TMEM132B: variants seen among roughly 807,000 people sequenced by gnomAD.
The protein encoded by TMEM132B is transmembrane protein 132B.
A neutral mutation model predicts 90.8 loss-of-function variants in TMEM132B; 18 were observed. The observed-to-expected ratio is 0.20, with a 90% CI of 0.14 to 0.29. TMEM132B has a LOEUF of 0.29. TMEM132B is among the 10% of genes least tolerant of loss of function. The pLI is 1.00. For missense variants in TMEM132B, 1,096 were observed against 1,326.8 expected, an observed-to-expected ratio of 0.83 and a Z score of 2.70; for synonymous variants, 504 against 523.3, an observed-to-expected ratio of 0.96 and a Z score of 0.50.
At chr12:125,327,852 A>G (rs73233381) in intron 1 of TMEM132B, among the ~76,000 whole-genome samples, 34,048 of 152,124 alleles carry the variant, frequency 0.22, 3,977 homozygotes, top group East Asian at 0.44. Context: ...GGATATATAA[A>G]GCAGGCGGGC....
chr12:125,225,050 G>A (rs1873646882), intron 1 of TMEM132B, among the ~76,000 whole-genome samples: 1 of 152,226 alleles, frequency 6.6e-6, no homozygotes. Context: ...AGTGGTTCAG[G>A]TGGAATATGG....
At chr12:125,564,475 CT>C in intron 4 of TMEM132B, among the ~76,000 whole-genome samples, 1 of 152,200 alleles carries the variant, frequency 6.6e-6, no homozygotes, top group Admixed American at 6.5e-5. Flanking sequence ...GGGTTGTTTT[CT>C]GTTCGGTTTT....
intron 5 of TMEM132B, among the ~76,000 whole-genome samples, chr12:125,632,819 A>T (rs1237493011): frequency 2.0e-5 from 3 of 151,704 alleles, no homozygotes; most frequent in Non-Finnish European, 4.4e-5. Flanking sequence ...TATTTTTAGG[A>T]TCTATTCTTT....
chr12:125,493,783 T>C (rs1882418719), intron 3 of TMEM132B, among the ~76,000 whole-genome samples: 1 of 151,502 alleles, frequency 6.6e-6, no homozygotes, highest in African/African-American at 2.4e-5. Flanking sequence ...TACCTCCCCC[T>C]CCTCCCTGGG....
At chr12:125,376,927 G>C (rs1291003938) in intron 2 of TMEM132B, among the ~76,000 whole-genome samples, 2 of 152,236 alleles carry the variant, frequency 1.3e-5, no homozygotes, top group Non-Finnish European at 2.9e-5. Context: ...TGGCCTTCCA[G>C]GTCATCCAGA....
chr12:125,390,088 A>G (rs1878965400), intron 2 of TMEM132B, among the ~76,000 whole-genome samples: 1 of 152,198 alleles, frequency 6.6e-6, no homozygotes, highest in South Asian at 2.1e-4. Flanking sequence ...CACAACTAGT[A>G]CCATTTGGAA....
chr12:125,465,817 A>G (rs1881548269), intron 3 of TMEM132B, among the ~76,000 whole-genome samples: 2 of 152,118 alleles, frequency 1.3e-5, no homozygotes, highest in Non-Finnish European at 2.9e-5. Context: ...TTAATTACTG[A>G]GTTACATGAG....
At chr12:125,650,614 GA>G in intron 6 of TMEM132B, 68 bp from the exon 7 acceptor site, 1 of 1,555,302 alleles carries the variant, frequency 6.4e-7, no homozygotes, top group Non-Finnish European at 8.7e-7. Flanking sequence ...CCTAGAATCT[GA>G]AAAACAAGGG....
intron 1 of TMEM132B, among the ~76,000 whole-genome samples, chr12:125,274,916 A>G (rs143888795): frequency 1.3e-5 from 2 of 152,276 alleles, no homozygotes; most frequent in Non-Finnish European, 2.9e-5. Flanking sequence ...GAGTGAGATC[A>G]GACCCTGTCT....
chr12:125,380,784 C>G (rs1313584387), intron 2 of TMEM132B, among the ~76,000 whole-genome samples: 6 of 152,198 alleles, frequency 3.9e-5, no homozygotes, highest in Non-Finnish European at 8.8e-5. Flanking sequence ...GTAGCAGCCA[C>G]ATTTCTCCTG....
At chr12:125,226,445 A>G (rs980941180) in intron 1 of TMEM132B, among the ~76,000 whole-genome samples, 1 of 152,256 alleles carries the variant, frequency 6.6e-6, no homozygotes. Flanking sequence ...ATCTTCACAC[A>G]GCAATCCTTC....
intron 2 of TMEM132B, among the ~76,000 whole-genome samples, chr12:125,393,971 G>T (rs968540271): frequency 1.3e-5 from 2 of 152,190 alleles, no homozygotes; most frequent in Non-Finnish European, 2.9e-5. Context: ...GAGTAATGCT[G>T]TTCATAGCTT....
intron 1 of TMEM132B, among the ~76,000 whole-genome samples, chr12:125,212,087 G>A (rs931817215): frequency 2.6e-5 from 4 of 152,170 alleles, no homozygotes; most frequent in African/African-American, 9.7e-5. Flanking sequence ...GTCTGACTCC[G>A]GACAGATGTG....
rs1879555042 is a variant in TMEM132B at position 125,408,020 on chromosome 12, G to C, written c.960-7511G>C. ...TGGCAGGGTCCCCAGAAGCCCAGCA[G>C]GACTCCACTCAGTGACTGCCTCTAC... On this transcript the variant is annotated intron_variant, in intron 2 of 8. Transcript: ENST00000682704. The surrounding 1 kb of genome is among the most constrained non-coding windows in gnomAD (Gnocchi z 5.9). 6.6e-6 allele frequency among the ~76,000 whole-genome samples: 1 copy of C among 152,222 alleles called. No individual in the cohort carries two copies. The highest frequency in any genetic ancestry group is 1.5e-5 in the Non-Finnish European group (1 of 68,046).
chr12:125,232,862 T>C (rs1319275469), intron 1 of TMEM132B, among the ~76,000 whole-genome samples: 1 of 152,258 alleles, frequency 6.6e-6, no homozygotes, highest in Non-Finnish European at 1.5e-5. Context: ...AAGATCTTTC[T>C]GATGAAAGTT....
intron 5 of TMEM132B, among the ~76,000 whole-genome samples, chr12:125,609,150 T>G (rs1885765695): frequency 1.3e-5 from 2 of 152,296 alleles, no homozygotes; most frequent in South Asian, 4.2e-4. Context: ...ATTCAATTAC[T>G]TCCACTTGGT....
chr12:125,277,502 A>AACACACACACACACACACAC lies in TMEM132B; in HGVS notation c.68-71942_68-71923dup, dbSNP rs60316781. On this transcript the variant is annotated intron_variant, in intron 1 of 8. Coordinates refer to ENST00000682704, the MANE Select transcript of TMEM132B (RefSeq NM_001366854.1). This position sits in a 1 kb window ranked among gnomAD's most constrained non-coding sequence, Gnocchi z 4.3. ...TCAAAAAAAAAAGATGAAGAGGGAG[A>AACACACACACACACACACAC]ACACACACACACACACACACACACA... Among the ~76,000 whole-genome samples the AACACACACACACACACACAC allele has an allele frequency of 9.1e-3, 1,300 of 143,128 alleles. 18 individuals are homozygous for AACACACACACACACACACAC. The highest frequency in any genetic ancestry group is 0.022 in the African/African-American group (814 of 37,362). 93.9% of individuals were successfully genotyped at this position (143,128 alleles called of 152,430 possible).
chr12:125,220,121 T>C (rs1873525658), intron 1 of TMEM132B, among the ~76,000 whole-genome samples: 1 of 152,268 alleles, frequency 6.6e-6, no homozygotes, highest in African/African-American at 2.4e-5. Context: ...TTTGTTTATA[T>C]AATATACAAG....
At chr12:125,245,242 C>G (rs1450354427) in intron 1 of TMEM132B, among the ~76,000 whole-genome samples, 3 of 152,076 alleles carry the variant, frequency 2.0e-5, no homozygotes, top group African/African-American at 7.2e-5. Context: ...AATGAAGAAC[C>G]TTTCCTTGTT....
Sources: allele counts gnomAD v4.1 joint callset (sites outside exome capture counted in the v4.1 genomes callset), GRCh38; gene constraint gnomAD v4.1.1; non-coding constraint Gnocchi (gnomAD v3.1); transcripts MANE v1.5; gene names NCBI Gene and HGNC (gene_info 2026-07-23, HGNC 2026-07-21).